The following CREB1 variants were observed in gnomAD, a reference collection of about 807,000 sequenced individuals.
CREB1 encodes the protein cAMP responsive element binding protein 1.
CREB1 carries 2 observed loss-of-function variants against 42.0 expected under a neutral mutation model. The ratio of observed to expected loss-of-function variants is 0.05; its 90% CI spans 0.02 to 0.15. The LOEUF is 0.15. Among genes scored for constraint, CREB1 ranks in the 10% least tolerant of loss-of-function variants. CREB1 has a pLI of 1.00. For missense variants in CREB1, 199 were observed against 388.9 expected (o/e 0.51, Z 4.11); for synonymous variants, 123 against 139.9 (o/e 0.88, Z 0.85).
intron 1 of CREB1, among the ~76,000 whole-genome samples, chr2:207,536,826 C>G (rs1401424503): frequency 1.3e-5 from 2 of 151,696 alleles, no homozygotes; most frequent in African/African-American, 4.8e-5. Context: ...CCCATCTCTA[C>G]TAAAAATAGA....
At chr2:207,582,081 C>T (rs2083037472) in intron 7 of CREB1, 1 of 702,388 alleles carries the variant, frequency 1.4e-6, no homozygotes, top group East Asian at 2.7e-5. Flanking sequence ...AAAGTGCTGT[C>T]CAGGTGTCTC....
At position 207,582,880 on chromosome 2, in the gene CREB1, G is replaced by A. The variant is rs186630560; in HGVS notation, c.839+5225G>A. The A allele has an allele frequency of 1.6e-4, 48 of 307,396 alleles. 1 individual carries two copies. The East Asian group carries it at 4.8e-3, about 31-fold the overall frequency. The allele number at this position is 307,396 out of a possible 1,614,324, so 19.0% of individuals were successfully genotyped here. On this transcript the variant is annotated intron_variant, in intron 7 of 7. Coordinates refer to ENST00000353267, the MANE Select transcript of CREB1 (RefSeq NM_004379.5). ...TACTCCAGCCTGAGTGACAGAGTGA[G>A]ACTCTGTCTCAAAAAAACAAACAAA...
At chr2:207,541,096 C>T (rs879365810) in intron 1 of CREB1, among the ~76,000 whole-genome samples, 14 of 151,848 alleles carry the variant, frequency 9.2e-5, no homozygotes, top group Admixed American at 5.3e-4. Flanking sequence ...GGCAGGCGCC[C>T]GTAATCCCAG....
intron 5 of CREB1, among the ~76,000 whole-genome samples, chr2:207,573,552 A>G (rs547550420): frequency 9.2e-5 from 14 of 152,302 alleles, no homozygotes; most frequent in African/African-American, 3.1e-4. Flanking sequence ...CCTGGGCAAC[A>G]TAGCAAAACC....
intron 1 of CREB1, among the ~76,000 whole-genome samples, chr2:207,538,457 T>G (rs1031352730): frequency 4.6e-5 from 7 of 151,976 alleles, no homozygotes; most frequent in Non-Finnish European, 1.0e-4. Context: ...TGCCTTTTCT[T>G]AGAGTTGAAA....
rs2087909530 is a variant in CREB1, at chr2:207,605,341, G to T, written c.*8283G>T. On this transcript the variant is annotated 3_prime_UTR_variant, in exon 8 of 8. Transcript: ENST00000353267. ...TGTGGAGCATCTTTTGTTGTCTTTG[G>T]CCATCTGCGTATCTTCTTTGAAGAA... Among the ~76,000 whole-genome samples the T allele has an allele frequency of 6.6e-6, 1 of 152,016 alleles. No individual in the cohort carries two copies.
At chr2:207,548,557 C>T (rs989415782) in intron 1 of CREB1, among the ~76,000 whole-genome samples, 9 of 151,968 alleles carry the variant, frequency 5.9e-5, no homozygotes, top group African/African-American at 1.5e-4. Flanking sequence ...TTGAGACCAG[C>T]GTGGCCAACA....
chr2:207,579,099 T>C (rs1044969153), intron 7 of CREB1, among the ~76,000 whole-genome samples: 2 of 152,200 alleles, frequency 1.3e-5, no homozygotes, highest in African/African-American at 4.8e-5. Flanking sequence ...AAGTGACTTT[T>C]ATTTGTGCTC....
chr2:207,554,895 A>C (rs536351897), intron 1 of CREB1, among the ~76,000 whole-genome samples: 1 of 152,246 alleles, frequency 6.6e-6, no homozygotes, highest in South Asian at 2.1e-4. Flanking sequence ...TTCTACCTTG[A>C]AATTCCACAA....
chr2:207,584,854 C>A (rs2083540270), intron 7 of CREB1, among the ~76,000 whole-genome samples: 1 of 152,136 alleles, frequency 6.6e-6, no homozygotes, highest in Admixed American at 6.5e-5. Context: ...TTCTTTCAGT[C>A]TGCAGCTTTT....
intron 1 of CREB1, among the ~76,000 whole-genome samples, chr2:207,553,363 C>G (rs180687906): frequency 6.6e-6 from 1 of 152,150 alleles, no homozygotes; most frequent in African/African-American, 2.4e-5. Flanking sequence ...GCCATCGCGC[C>G]GGGCCCAGGT....
At position 207,599,951 on chromosome 2, in the gene CREB1, T is replaced by G. The variant is rs907266488; in HGVS notation, c.*2893T>G. 2.1e-5 allele frequency: 4 copies of G among 192,984 alleles called. No homozygotes were observed. The highest frequency in any genetic ancestry group is 1.2e-4 in the Admixed American group (2 of 16,374). The allele number at this position is 192,984 out of a possible 1,614,324, so 12.0% of individuals were successfully genotyped here. A position where few individuals can be genotyped will look rare whatever the true frequency, so the allele number is the denominator to read the frequency against. ...TGCTCACTTTGCAAATATAGGGCCA[T>G]GTGGCACTTTTATCTATAGGACAGA... is the stretch of plus-strand genomic sequence containing the variant. On this transcript the variant is annotated 3_prime_UTR_variant, in exon 8 of 8. Coordinates refer to ENST00000353267, the MANE Select transcript of CREB1 (RefSeq NM_004379.5).
At chr2:207,588,892 G>C (rs1192672744) in intron 7 of CREB1, among the ~76,000 whole-genome samples, 5 of 144,224 alleles carry the variant, frequency 3.5e-5, no homozygotes, top group Admixed American at 3.5e-4. Flanking sequence ...GCTTTGTCGG[G>C]GGGGGTGTAG....
chr2:207,578,586 A>G (rs1301017916), intron 7 of CREB1, among the ~76,000 whole-genome samples: 1 of 152,208 alleles, frequency 6.6e-6, no homozygotes, highest in Admixed American at 6.5e-5. Context: ...GAGTCAAGTA[A>G]GAGAATCCTT....
In CREB1 at chr2:207,572,039, A is replaced by G. The variant is rs1009079892; in HGVS notation, c.505+1718A>G. ...TCAGGAGTTCAAGACCAGCCTGCCC[A>G]ACATGGTGAAACCCTGCCTCCACTA... On this transcript the variant is annotated intron_variant, in intron 5 of 7. Transcript: ENST00000353267. Among the ~76,000 whole-genome samples, 10 of 152,116 alleles carry G rather than the reference A, an allele frequency of 6.6e-5. 1 individual carries two copies. Among genetic ancestry groups the G allele is most frequent in the Non-Finnish European group, 1.5e-5 (1 of 68,014 alleles).
chr2:207,567,283 G>A (rs943998843), intron 3 of CREB1, among the ~76,000 whole-genome samples, 180 bp from the exon 4 acceptor site: 52 of 152,140 alleles, frequency 3.4e-4, no homozygotes, highest in African/African-American at 1.2e-3. Context: ...TAACTTCATC[G>A]TAGTTTATAG....
At chr2:207,567,664 T>G (rs952823703) in intron 4 of CREB1, 101 bp downstream of exon 4, 17 of 662,414 alleles carry the variant, frequency 2.6e-5, no homozygotes, top group Non-Finnish European at 4.1e-5. Flanking sequence ...CGTCAGTTCC[T>G]TATAGATTAC....
chr2:207,586,239 C>T (rs775874730), intron 7 of CREB1, among the ~76,000 whole-genome samples: 7 of 152,130 alleles, frequency 4.6e-5, no homozygotes, highest in Non-Finnish European at 7.4e-5. Flanking sequence ...TATAAAAACA[C>T]ATAGACCAGT....
At chr2:207,588,728 GTTTTT>G (rs58013876) in intron 7 of CREB1, among the ~76,000 whole-genome samples, 1 of 134,950 alleles carries the variant, frequency 7.4e-6, no homozygotes. Flanking sequence ...CTGTTTTCTG[GTTTTT>G]TTTTTTTTTG....
Sources: gnomAD v4.1 joint callset for allele counts (sites outside exome capture counted in the v4.1 genomes callset) on GRCh38, gnomAD v4.1.1 for gene constraint, MANE v1.5 for transcripts, NCBI Gene and HGNC (gene_info 2026-07-23, HGNC 2026-07-21) for gene names.